Variants in CNTNAP5 observed in about 807,000 individuals in gnomAD.
The protein encoded by CNTNAP5 is contactin-associated protein-like 5.
Under a neutral mutation model 150.2 loss-of-function variants are expected in CNTNAP5, and 72 were observed. That is an observed-to-expected ratio of 0.48 (90% CI 0.40 to 0.58). The LOEUF (loss-of-function observed/expected upper bound fraction) is 0.58, where lower values mean the gene tolerates loss of function less well. CNTNAP5 is among the 20% of genes least tolerant of loss of function. CNTNAP5 has a pLI of 0.00. For missense variants in CNTNAP5, 1,636 were observed against 1,626.2 expected, an observed-to-expected ratio of 1.01 and a Z score of -0.10; for synonymous variants, 672 against 619.8, an observed-to-expected ratio of 1.08 and a Z score of -1.25.
intron 1 of CNTNAP5, among the ~76,000 whole-genome samples, chr2:124,204,555 C>A (rs938146663): frequency 2.6e-5 from 4 of 152,086 alleles, no homozygotes; most frequent in Non-Finnish European, 5.9e-5. Flanking sequence ...AAGAAATACT[C>A]CAGACTGTGT....
intron 3 of CNTNAP5, among the ~76,000 whole-genome samples, chr2:124,355,067 T>G (rs187971567): frequency 1.3e-5 from 2 of 150,938 alleles, no homozygotes; most frequent in Admixed American, 6.6e-5. Context: ...AAAAATTTTC[T>G]AATACTCTAT....
At chr2:124,131,851 T>A (rs1683857443) in intron 1 of CNTNAP5, among the ~76,000 whole-genome samples, 2 of 152,170 alleles carry the variant, frequency 1.3e-5, no homozygotes, top group Admixed American at 6.5e-5. Flanking sequence ...CAGCTCTTTT[T>A]AGTTGAGTGG....
intron 4 of CNTNAP5, among the ~76,000 whole-genome samples, chr2:124,419,912 C>CTTTA (rs1240859552): frequency 3.3e-5 from 4 of 119,930 alleles, no homozygotes; most frequent in Non-Finnish European, 6.7e-5. Context: ...TTCTTTCTTT[C>CTTTA]TTTCTTTCTT....
intron 6 of CNTNAP5, among the ~76,000 whole-genome samples, chr2:124,471,871 C>T (rs1693524909): frequency 6.6e-6 from 1 of 151,748 alleles, no homozygotes; most frequent in Non-Finnish European, 1.5e-5. Context: ...TGTATTTGGA[C>T]CTTTTCTTAA....
intron 4 of CNTNAP5, among the ~76,000 whole-genome samples, chr2:124,418,978 C>T (rs1201823972): frequency 1.3e-5 from 2 of 148,356 alleles, no homozygotes; most frequent in Non-Finnish European, 3.0e-5. Context: ...ACTAAAAATA[C>T]AAAAAATTAG....
At chr2:124,477,021 TC>T (rs1693656760) in intron 7 of CNTNAP5, among the ~76,000 whole-genome samples, 1 of 152,162 alleles carries the variant, frequency 6.6e-6, no homozygotes, top group Non-Finnish European at 1.5e-5. Flanking sequence ...TTTTTATATA[TC>T]CTTTATTTCT....
At chr2:124,687,629 C>G (rs1679218642) in intron 13 of CNTNAP5, among the ~76,000 whole-genome samples, 1 of 151,892 alleles carries the variant, frequency 6.6e-6, no homozygotes, top group Admixed American at 6.6e-5. Flanking sequence ...GATGGTACTT[C>G]CTGATCATGG....
intron 19 of CNTNAP5, among the ~76,000 whole-genome samples, chr2:124,855,750 T>C (rs1242666441): frequency 1.3e-5 from 2 of 152,180 alleles, no homozygotes; most frequent in South Asian, 2.1e-4. Context: ...GGGGAACAGT[T>C]GGTATTTGGT....
chr2:124,484,776 T>C (rs1693834738), intron 7 of CNTNAP5, among the ~76,000 whole-genome samples: 1 of 152,198 alleles, frequency 6.6e-6, no homozygotes, highest in Admixed American at 6.5e-5. Flanking sequence ...CCTTTAAGAA[T>C]GTAATGAAAA....
At chr2:124,714,562 T>C (rs1315766674) in intron 13 of CNTNAP5, among the ~76,000 whole-genome samples, 1 of 152,100 alleles carries the variant, frequency 6.6e-6, no homozygotes, top group East Asian at 1.9e-4. Flanking sequence ...CATTCCCTAA[T>C]ATTTATGGAA....
chr2:124,685,584 A>C (rs1157652303), intron 13 of CNTNAP5, among the ~76,000 whole-genome samples: 4 of 152,134 alleles, frequency 2.6e-5, no homozygotes, highest in African/African-American at 9.7e-5. Flanking sequence ...ATCCTGAATC[A>C]CTAAAATCTG....
In CNTNAP5 at chr2:124,666,100, A is replaced by C. The variant is rs183259769; in HGVS notation, c.2077+18142A>C. 2.0e-5 allele frequency among the ~76,000 whole-genome samples: 3 copies of C among 152,284 alleles called. No individual in the cohort carries two copies. The East Asian group carries it at 5.8e-4, about 30-fold the overall frequency. On this transcript the variant is annotated intron_variant, in intron 13 of 23. Transcript: ENST00000682447. ...TAAAATATAACCCAAAGAAGCCCTG[A>C]GTAAGTAGTCCTGAAGCGGTTGGGT...
At chr2:124,176,513 A>T (rs563495846) in intron 1 of CNTNAP5, among the ~76,000 whole-genome samples, 158 of 152,286 alleles carry the variant, frequency 1.0e-3, no homozygotes, top group African/African-American at 3.6e-3. Context: ...GATTAATAGG[A>T]AGAAAGGCAT....
chr2:124,049,516 C>T (rs1359613615), intron 1 of CNTNAP5, among the ~76,000 whole-genome samples: 2 of 152,100 alleles, frequency 1.3e-5, no homozygotes, highest in Non-Finnish European at 2.9e-5. Context: ...ATTATCAGGC[C>T]TACTTTACTT....
At chr2:124,346,935 T>A (rs78182616) in intron 3 of CNTNAP5, among the ~76,000 whole-genome samples, 790 of 57,124 alleles carry the variant, frequency 0.014, 7 homozygotes, top group Non-Finnish European at 0.021. Context: ...AAAAAAAAAA[T>A]AGCTGGGCAT....
intron 10 of CNTNAP5, among the ~76,000 whole-genome samples, chr2:124,551,697 G>A (rs1190638246): frequency 6.6e-6 from 1 of 152,096 alleles, no homozygotes; most frequent in Non-Finnish European, 1.5e-5. Flanking sequence ...GTTACTCCAT[G>A]GAGCATAAAT....
intron 7 of CNTNAP5, among the ~76,000 whole-genome samples, chr2:124,481,417 C>T (rs765874207): frequency 7.9e-5 from 12 of 152,116 alleles, no homozygotes; most frequent in Admixed American, 2.6e-4. Context: ...ATCAGATAAG[C>T]AAATGTAACC....
chr2:124,722,505 A>G (rs1444280538), intron 13 of CNTNAP5, among the ~76,000 whole-genome samples: 1 of 152,078 alleles, frequency 6.6e-6, no homozygotes, highest in Admixed American at 6.6e-5. Flanking sequence ...AGTATGGCAA[A>G]TTTTATTAGA....
chr2:124,911,657 T>C (rs751804647), intron 23 of CNTNAP5, 119 bp downstream of exon 23: 183 of 754,578 alleles, frequency 2.4e-4, no homozygotes, highest in Admixed American at 4.3e-5. Context: ...CTACATTACC[T>C]GCAAGACTGT....
Sources: gnomAD v4.1 joint callset for allele counts (sites outside exome capture counted in the v4.1 genomes callset) on GRCh38, gnomAD v4.1.1 for gene constraint, MANE v1.5 for transcripts, NCBI Gene and HGNC (gene_info 2026-07-23, HGNC 2026-07-21) for gene names.